The following WRNIP1 variants were observed in gnomAD, a reference collection of about 807,000 sequenced individuals.
WRNIP1 encodes the protein WRN helicase interacting protein 1.
WRNIP1 carries 41 observed loss-of-function variants against 56.1 expected under a neutral mutation model. That is an observed-to-expected ratio of 0.73 (90% CI 0.57 to 0.95). The LOEUF is 0.95. Among genes scored for constraint, WRNIP1 ranks in the 40% least tolerant of loss-of-function variants. The pLI, the probability that WRNIP1 is intolerant of heterozygous loss-of-function variation, is 0.00. For synonymous variants in WRNIP1, 547 were observed against 398.1 expected, an observed-to-expected ratio of 1.37 and a Z score of -4.45; for missense variants, 1,170 against 939.4, an observed-to-expected ratio of 1.25 and a Z score of -3.21.
Position 2,770,141 on chromosome 6 carries a change from G to A in WRNIP1, c.1036G>A (p.Glu346Lys). 6.2e-7 allele frequency: 1 copy of A among 1,614,184 alleles called. No individual in the cohort carries two copies. Among genetic ancestry groups the A allele is most frequent in the Non-Finnish European group, 8.5e-7 (1 of 1,180,022 alleles). ...SQQDTFLPHV[E>K]CGTITLIGAT... is the part of the protein sequence containing the mutation. ...TTAGGACACTTTCCTTCCTCACGTG[G>A]AATGTGGGACGATCACTCTGATTGG... The change falls in exon 3 of 7, where the codon GAA becomes AAA. Residue 346 changes from glutamate (E) to lysine (K), a missense_variant. Transcript: ENST00000380773.
At chr6:2,769,419 T>C (rs1159859509) in intron 2 of WRNIP1, among the ~76,000 whole-genome samples, 1 of 151,960 alleles carries the variant, frequency 6.6e-6, no homozygotes, top group Non-Finnish European at 1.5e-5. Flanking sequence ...TAAAAAAAAA[T>C]AAACATTAAA....
intron 3 of WRNIP1, among the ~76,000 whole-genome samples, chr6:2,774,906 CCTCGCTGTTGATACCAAA>C (rs1247548096): frequency 1.8e-4 from 28 of 152,340 alleles, no homozygotes; most frequent in African/African-American, 6.5e-4. Flanking sequence ...GGGTGATTCT[CCTCGCTGTTGATACCAAA>C]GCAGTATTTG....
At chr6:2,770,032 A>G in intron 2 of WRNIP1, 88 bp from the exon 3 acceptor site, 1 of 1,557,314 alleles carries the variant, frequency 6.4e-7, no homozygotes, top group Non-Finnish European at 8.7e-7. Context: ...AAATGAGGAA[A>G]AGGAAGGAAG....
rs1027115316 is a variant in WRNIP1 at position 2,786,895 on chromosome 6, T to A, written c.*1613T>A. ...GTTCTAGGGAAGTTTCTTTTTTTAT[T>A]CAATAAATTTATTTATTTATGAGAC... On this transcript the variant is annotated 3_prime_UTR_variant, in exon 7 of 7. Coordinates refer to ENST00000380773, the MANE Select transcript of WRNIP1 (RefSeq NM_020135.3). 1.7e-4 allele frequency: 26 copies of A among 152,174 alleles called. No homozygotes were observed. Among genetic ancestry groups the A allele is most frequent in the African/African-American group, 6.0e-4 (25 of 41,428 alleles). 9.4% of individuals were successfully genotyped at this position (152,174 alleles called of 1,614,324 possible).
At chr6:2,781,923 G>T (rs1210609976) in intron 4 of WRNIP1, among the ~76,000 whole-genome samples, 1 of 152,236 alleles carries the variant, frequency 6.6e-6, no homozygotes, top group African/African-American at 2.4e-5. Flanking sequence ...TGGCCCATGA[G>T]CTTGGGGGTC....
Position 2,785,513 on chromosome 6 carries a change from C to T in WRNIP1, c.*231C>T. 1 of 538,414 alleles carries T rather than the reference C, an allele frequency of 1.9e-6. No individual in the cohort carries two copies. Among genetic ancestry groups the T allele is most frequent in the South Asian group, 2.7e-5 (1 of 37,398 alleles). 33.4% of individuals were successfully genotyped at this position (538,414 alleles called of 1,614,324 possible). A position where few individuals can be genotyped will look rare whatever the true frequency, so the allele number is the denominator to read the frequency against. On this transcript the variant is annotated 3_prime_UTR_variant, in exon 7 of 7. Transcript: ENST00000380773. ...CGGTTATGCTTATGAAAATACCTGG[C>T]AGCTTTGTGCAATGAATTAATGTTA...
chr6:2,770,600 T>C (rs1765241460), intron 3 of WRNIP1, among the ~76,000 whole-genome samples: 1 of 152,240 alleles, frequency 6.6e-6, no homozygotes, highest in Non-Finnish European at 1.5e-5. Flanking sequence ...TTCTTCAAGC[T>C]TTAACTTTGC....
At chr6:2,768,013 T>G (rs138698125) in intron 1 of WRNIP1, among the ~76,000 whole-genome samples, 1 of 152,226 alleles carries the variant, frequency 6.6e-6, no homozygotes, top group African/African-American at 2.4e-5. Flanking sequence ...TCTCATCCTT[T>G]AGTACTAATA....
At chr6:2,777,836 C>G (rs1765468532) in intron 3 of WRNIP1, among the ~76,000 whole-genome samples, 1 of 152,122 alleles carries the variant, frequency 6.6e-6, no homozygotes, top group Non-Finnish European at 1.5e-5. Flanking sequence ...GAGAATGCTA[C>G]CATCAGGAGA....
At chr6:2,777,107 T>C (rs1251688139) in intron 3 of WRNIP1, among the ~76,000 whole-genome samples, 2 of 125,632 alleles carry the variant, frequency 1.6e-5, no homozygotes, top group Non-Finnish European at 3.6e-5. Context: ...TTCATTCTGC[T>C]GGAAATATCA....
intron 3 of WRNIP1, chr6:2,774,131 A>G: frequency 1.0e-6 from 1 of 985,390 alleles, no homozygotes; most frequent in East Asian, 1.1e-4. Flanking sequence ...GGTATAGAGT[A>G]GATGTCAATC....
Position 2,786,135 on chromosome 6 carries a change from T to A in WRNIP1, c.*853T>A, listed in dbSNP as rs1240948980. ...GCTACTTCCTCTCCCTCTCCTTAGT[T>A]GCATGTCGTGCATATGCCCACAAGG... On this transcript the variant is annotated 3_prime_UTR_variant, in exon 7 of 7. Coordinates refer to ENST00000380773, the MANE Select transcript of WRNIP1 (RefSeq NM_020135.3). The A allele has an allele frequency of 2.0e-5, 3 of 152,308 alleles. No homozygotes were observed. The highest frequency in any genetic ancestry group is 4.4e-5 in the Non-Finnish European group (3 of 68,114). 9.4% of individuals were successfully genotyped at this position (152,308 alleles called of 1,614,324 possible).
chr6:2,780,411 G>A (rs1050516584), intron 4 of WRNIP1, among the ~76,000 whole-genome samples: 2 of 152,174 alleles, frequency 1.3e-5, no homozygotes, highest in Admixed American at 6.5e-5. Flanking sequence ...GAGCACACTC[G>A]CTGCATGACC....
intron 4 of WRNIP1, among the ~76,000 whole-genome samples, chr6:2,781,679 G>T (rs1765564268): frequency 6.6e-6 from 1 of 152,242 alleles, no homozygotes; most frequent in South Asian, 2.1e-4. Context: ...TGACATCGGG[G>T]TTCTATAGAA....
intron 3 of WRNIP1, among the ~76,000 whole-genome samples, chr6:2,771,776 C>T (rs1765286436): frequency 6.6e-6 from 1 of 152,136 alleles, no homozygotes; most frequent in South Asian, 2.1e-4. Flanking sequence ...GTGTAGGTTT[C>T]CCGTAACAGA....
chr6:2,779,656 C>G (rs917697881), intron 4 of WRNIP1, among the ~76,000 whole-genome samples, 164 bp downstream of exon 4: 1 of 152,202 alleles, frequency 6.6e-6, no homozygotes, highest in South Asian at 2.1e-4. Flanking sequence ...GCCTTCTACA[C>G]AGGGCTGACC....
intron 3 of WRNIP1, chr6:2,774,217 A>C: frequency 3.0e-6 from 3 of 985,472 alleles, no homozygotes; most frequent in Non-Finnish European, 3.6e-6. Flanking sequence ...GTGCATTAAA[A>C]TAATGCCATA....
intron 1 of WRNIP1, 78 bp downstream of exon 1, chr6:2,766,522 G>A: frequency 1.4e-6 from 2 of 1,425,420 alleles, no homozygotes; most frequent in African/African-American, 2.9e-5. Context: ...AGCCGGGTGT[G>A]CTGCCCTCGA....
intron 3 of WRNIP1, chr6:2,773,642 C>A (rs1049076715): frequency 3.0e-6 from 3 of 985,188 alleles, no homozygotes; most frequent in Non-Finnish European, 3.6e-6. Flanking sequence ...ATTCATGATA[C>A]GAAGAATGAG....
Sources: allele counts gnomAD v4.1 joint callset (sites outside exome capture counted in the v4.1 genomes callset), GRCh38; gene constraint gnomAD v4.1.1; transcripts MANE v1.5; gene names NCBI Gene and HGNC (gene_info 2026-07-23, HGNC 2026-07-21).